Variants in CYP39A1 observed in about 807,000 individuals in gnomAD.
CYP39A1 encodes 24-hydroxycholesterol 7-alpha-hydroxylase.
A neutral mutation model predicts 58.1 loss-of-function variants in CYP39A1; 49 were observed. The ratio of observed to expected loss-of-function variants is 0.84; its 90% CI spans 0.67 to 1.07. The LOEUF (loss-of-function observed/expected upper bound fraction) is 1.07, where lower values mean the gene tolerates loss of function less well. Among genes scored for constraint, CYP39A1 ranks in the 50% least tolerant of loss-of-function variants. The probability of loss-of-function intolerance (pLI) is 0.00; values close to 1 mark genes in which losing one functional copy is unlikely to be tolerated. For missense variants in CYP39A1, 531 were observed against 539.4 expected, an observed-to-expected ratio of 0.98 and a Z score of 0.16; for synonymous variants, 209 against 187.6, an observed-to-expected ratio of 1.11 and a Z score of -0.93.
rs188489698 is a variant in CYP39A1 at position 46,594,463 on chromosome 6, C to T, written c.1065+1524G>A. Among the ~76,000 whole-genome samples, 3 of 152,036 alleles carry T rather than the reference C, an allele frequency of 2.0e-5. No individual in the cohort carries two copies. The East Asian group carries it at 5.8e-4, about 29-fold the overall frequency. On this transcript the variant is annotated intron_variant, in intron 8 of 11. Coordinates refer to ENST00000275016, the MANE Select transcript of CYP39A1 (RefSeq NM_016593.5). The stretch of plus-strand genomic sequence containing the variant: ...CATGGTACTGGCATAAAACCAGGCA[C>T]ATAGATCAATAGAACAGAATAGACA...
At chr6:46,585,332 T>A (rs1472833791) in intron 10 of CYP39A1, among the ~76,000 whole-genome samples, 2 of 149,758 alleles carry the variant, frequency 1.3e-5, no homozygotes, top group Non-Finnish European at 2.9e-5. Flanking sequence ...TATAGATAGA[T>A]AGATAGATAG....
At chr6:46,570,600 C>T (rs1225586894) in intron 10 of CYP39A1, among the ~76,000 whole-genome samples, 1 of 152,112 alleles carries the variant, frequency 6.6e-6, no homozygotes. Flanking sequence ...GCTTATTTGG[C>T]TCATGGTTCT....
Position 46,596,125 on chromosome 6 carries a change from A to T in CYP39A1, c.932-5T>A, listed in dbSNP as rs1193440462. 8 of 1,590,750 alleles carry T rather than the reference A, an allele frequency of 5.0e-6. No homozygotes were observed. The highest frequency in any genetic ancestry group is 6.0e-6 in the Non-Finnish European group (7 of 1,170,200). On this transcript the variant is annotated splice_region_variant and splice_polypyrimidine_tract_variant and intron_variant, in intron 7 of 11. Coordinates refer to ENST00000275016, the MANE Select transcript of CYP39A1 (RefSeq NM_016593.5). ...ACACTTTAATCTTATCTTTGCCTGTAAAAAAATTTTTAATGAGAAATAAAT... is the reference window on the plus strand; with the variant it reads ...ACACTTTAATCTTATCTTTGCCTGTTAAAAAATTTTTAATGAGAAATAAAT...
intron 10 of CYP39A1, among the ~76,000 whole-genome samples, chr6:46,569,591 A>T (rs778574921): frequency 1.3e-5 from 2 of 151,908 alleles, no homozygotes; most frequent in East Asian, 1.9e-4. Context: ...AAGATGATAA[A>T]TTTTTTCAAA....
rs78416164 is a variant in CYP39A1 at position 46,556,793 on chromosome 6, A to G, written c.1251-2939T>C. 7.6e-3 allele frequency among the ~76,000 whole-genome samples: 1,150 copies of G among 152,248 alleles called. 16 individuals are homozygous for G. The highest frequency in any genetic ancestry group is 0.026 in the African/African-American group (1,074 of 41,550). On this transcript the variant is annotated intron_variant, in intron 10 of 11. Transcript: ENST00000275016. ...GTCTAAACTAAAAGAATACAACACA[A>G]CCCAGTATCCATGGCACTTAACATT...
chr6:46,580,856 T>G (rs1414897180), intron 10 of CYP39A1, among the ~76,000 whole-genome samples: 1 of 152,020 alleles, frequency 6.6e-6, no homozygotes, highest in African/African-American at 2.4e-5. Flanking sequence ...ATAACAGACG[T>G]TGGTGAGGTT....
At chr6:46,633,726 A>G (rs1307197261) in intron 5 of CYP39A1, among the ~76,000 whole-genome samples, 5 of 152,024 alleles carry the variant, frequency 3.3e-5, no homozygotes, top group Non-Finnish European at 2.9e-5. Context: ...GTGTGGTGGC[A>G]TGTGCCTGTA....
chr6:46,582,945 T>C, intron 10 of CYP39A1: 2 of 418,918 alleles, frequency 4.8e-6, no homozygotes, highest in South Asian at 2.0e-4. Flanking sequence ...TCAAGAGATG[T>C]TTGGTTAAAA....
intron 7 of CYP39A1, among the ~76,000 whole-genome samples, chr6:46,615,996 T>C: frequency 6.2e-5 from 2 of 32,332 alleles, no homozygotes; most frequent in East Asian, 1.0e-3. Context: ...TCTCTAGCCT[T>C]TCCCTCCCTC....
At chr6:46,575,712 G>A (rs556434001) in intron 10 of CYP39A1, among the ~76,000 whole-genome samples, 2 of 152,218 alleles carry the variant, frequency 1.3e-5, no homozygotes, top group African/African-American at 2.4e-5. Flanking sequence ...CACCTCAAAC[G>A]CTCCAGCACA....
chr6:46,556,223 C>T (rs746719509), intron 10 of CYP39A1, among the ~76,000 whole-genome samples: 1 of 152,170 alleles, frequency 6.6e-6, no homozygotes, highest in Non-Finnish European at 1.5e-5. Context: ...TGAGACGAAA[C>T]CCATGATTGC....
intron 9 of CYP39A1, among the ~76,000 whole-genome samples, chr6:46,587,569 T>C (rs1772547192): frequency 6.6e-6 from 1 of 152,172 alleles, no homozygotes; most frequent in South Asian, 2.1e-4. Context: ...ATGCCATTTT[T>C]GACAGTTTTA....
chr6:46,558,365 C>T (rs1454193582), intron 10 of CYP39A1, among the ~76,000 whole-genome samples: 1 of 152,128 alleles, frequency 6.6e-6, no homozygotes, highest in Non-Finnish European at 1.5e-5. Flanking sequence ...GGGAAGCAAG[C>T]TCCTTCTTCA....
intron 1 of CYP39A1, 21 bp from the exon 2 acceptor site, chr6:46,642,319 A>AT: frequency 6.2e-7 from 1 of 1,603,964 alleles, no homozygotes; most frequent in Non-Finnish European, 8.5e-7. Flanking sequence ...ACAAACATAG[A>AT]TTATATTAGT....
chr6:46,555,914 T>G (rs1043299168), intron 10 of CYP39A1, among the ~76,000 whole-genome samples: 1 of 152,202 alleles, frequency 6.6e-6, no homozygotes, highest in African/African-American at 2.4e-5. Flanking sequence ...CCTACTTACT[T>G]GCAAATGCTA....
intron 7 of CYP39A1, among the ~76,000 whole-genome samples, chr6:46,609,377 A>C (rs1029297775): frequency 6.6e-6 from 1 of 151,322 alleles, no homozygotes; most frequent in Non-Finnish European, 1.5e-5. Flanking sequence ...AGTCCGCGCC[A>C]CTGCACTCCA....
chr6:46,553,760 CACTT>C lies in CYP39A1; in HGVS notation c.1338+3_1338+6del, dbSNP rs1418937256. Reference sequence around the variant, plus strand: ...GTCATGATACTCAAAATTCTGAAAACACTTACCTGTTTGGGTAATGGGTCCAGAA... The same window carrying C: ...GTCATGATACTCAAAATTCTGAAAACACCTGTTTGGGTAATGGGTCCAGAA... On this transcript the variant is annotated splice_donor_5th_base_variant and intron_variant, in intron 11 of 11. Coordinates refer to ENST00000275016, the MANE Select transcript of CYP39A1 (RefSeq NM_016593.5). 2 of 1,588,304 alleles carry C rather than the reference CACTT, an allele frequency of 1.3e-6. No individual in the cohort carries two copies. The highest frequency in any genetic ancestry group is 1.3e-5 in the African/African-American group (1 of 74,414).
At chr6:46,552,584 C>T (rs764616109) in intron 11 of CYP39A1, among the ~76,000 whole-genome samples, 1 of 152,166 alleles carries the variant, frequency 6.6e-6, no homozygotes, top group Non-Finnish European at 1.5e-5. Context: ...AAGCACAAAA[C>T]GCTATGTGAA....
chr6:46,572,325 G>A (rs994753684), intron 10 of CYP39A1, among the ~76,000 whole-genome samples: 3 of 152,060 alleles, frequency 2.0e-5, no homozygotes, highest in Admixed American at 2.0e-4. Flanking sequence ...GCTTGAAGAA[G>A]TACCTTTAGC....
Sources: allele counts gnomAD v4.1 joint callset (sites outside exome capture counted in the v4.1 genomes callset), GRCh38; gene constraint gnomAD v4.1.1; transcripts MANE v1.5; gene names NCBI Gene and HGNC (gene_info 2026-07-23, HGNC 2026-07-21).